SWT1: variants seen among roughly 807,000 people sequenced by gnomAD.
SWT1 encodes SWT1 RNA endoribonuclease homolog, also known as transcriptional protein SWT1.
Under a neutral mutation model 107.3 loss-of-function variants are expected in SWT1, and 33 were observed. The observed-to-expected ratio is 0.31, with a 90% CI of 0.23 to 0.41. The LOEUF is 0.41. Among genes scored for constraint, SWT1 ranks in the 10% least tolerant of loss-of-function variants. The pLI, the probability that SWT1 is intolerant of heterozygous loss-of-function variation, is 1.00. For missense variants in SWT1, 898 were observed against 1,028.9 expected, an observed-to-expected ratio of 0.87 and a Z score of 1.74; for synonymous variants, 345 against 348.3, an observed-to-expected ratio of 0.99 and a Z score of 0.11.
rs529340986 is a variant in SWT1, at chr1:185,206,052, G to A, written c.1834-573G>A. 4.6e-5 allele frequency among the ~76,000 whole-genome samples: 7 copies of A among 151,932 alleles called. No homozygotes were observed. In the East Asian group the frequency reaches 5.8e-4, roughly 13 times the overall value. The stretch of plus-strand genomic sequence containing the variant: ...CGGCTCACTGCAACCTCCTCCTTCC[G>A]GTTTCAAGCTATTCTCCTGTCTCAA... On this transcript the variant is annotated intron_variant, in intron 12 of 18. Coordinates refer to ENST00000367500, the MANE Select transcript of SWT1 (RefSeq NM_017673.7).
chr1:185,199,339 A>C (rs1657675016), intron 10 of SWT1, among the ~76,000 whole-genome samples: 1 of 152,174 alleles, frequency 6.6e-6, no homozygotes, highest in South Asian at 2.1e-4. Context: ...GTTTCTTCAT[A>C]GTGTCGATGG....
At chr1:185,192,804 C>T (rs1437423575) in intron 10 of SWT1, among the ~76,000 whole-genome samples, 6 of 151,838 alleles carry the variant, frequency 4.0e-5, no homozygotes, top group Non-Finnish European at 5.9e-5. Context: ...AGTGCCACCA[C>T]GCCTGACTAA....
intron 3 of SWT1, among the ~76,000 whole-genome samples, chr1:185,167,681 G>A (rs1455437989): frequency 6.6e-6 from 1 of 151,598 alleles, no homozygotes; most frequent in East Asian, 1.9e-4. Flanking sequence ...TTTTTTTGTT[G>A]TTTTCCCTTC....
At chr1:185,242,562 C>T in intron 16 of SWT1, among the ~76,000 whole-genome samples, 1 of 152,104 alleles carries the variant, frequency 6.6e-6, no homozygotes, top group East Asian at 1.9e-4. Flanking sequence ...CTAGAGTGGA[C>T]TTAGGTGTTA....
chr1:185,189,141 C>T (rs1042034676), intron 9 of SWT1, among the ~76,000 whole-genome samples: 3 of 151,780 alleles, frequency 2.0e-5, no homozygotes, highest in Non-Finnish European at 4.4e-5. Context: ...AGTGTGCCAC[C>T]GAGCCTGGAT....
chr1:185,197,053 A>G (rs746644847), intron 10 of SWT1, among the ~76,000 whole-genome samples: 2 of 152,158 alleles, frequency 1.3e-5, no homozygotes, highest in African/African-American at 2.4e-5. Flanking sequence ...CAAAGCTTCC[A>G]GCTTTTGCCC....
Position 185,182,064 on chromosome 1 carries a change from C to T in SWT1, c.1138+7C>T, listed in dbSNP as rs774722085. On this transcript the variant is annotated splice_region_variant and intron_variant, in intron 7 of 18. Coordinates refer to ENST00000367500, the MANE Select transcript of SWT1 (RefSeq NM_017673.7). ...GATGTACATTCCTCCTCTGGTATACCCTATATGTTGATGTGTATGCTCCCC... is the reference window on the plus strand; with the variant it reads ...GATGTACATTCCTCCTCTGGTATACTCTATATGTTGATGTGTATGCTCCCC... 8.1e-6 allele frequency: 13 copies of T among 1,613,032 alleles called. No homozygotes were observed. The African/African-American group carries it at 1.7e-4, about 22-fold the overall frequency.
intron 15 of SWT1, among the ~76,000 whole-genome samples, chr1:185,228,861 T>G (rs1345577732): frequency 6.6e-6 from 1 of 152,136 alleles, no homozygotes; most frequent in Non-Finnish European, 1.5e-5. Flanking sequence ...GCGTTTCAGA[T>G]AGAAGAATAG....
rs369660193 is a variant in SWT1, at chr1:185,231,706, A to G, written c.2439A>G (p.Gln813=). The G allele has an allele frequency of 3.1e-6, 5 of 1,601,806 alleles. No individual in the cohort carries two copies. The highest frequency in any genetic ancestry group is 4.3e-6 in the Non-Finnish European group (5 of 1,170,934). Residue 813 remains glutamine (Q), a splice_region_variant and synonymous_variant, in exon 16 of 19, where the codon CAA becomes CAG. Transcript: ENST00000367500. The stretch of plus-strand genomic sequence containing the variant: ...TGAGGGATATTCTTGAAGGAATTCA[A>G]AGGTAAACACTATATTAATTTTAAA... ...AAVRDILEGI[Q]RILAPNSNYQ...
intron 16 of SWT1, among the ~76,000 whole-genome samples, chr1:185,257,747 G>A (rs773387492): frequency 2.8e-4 from 42 of 152,208 alleles, no homozygotes; most frequent in Non-Finnish European, 5.0e-4. Context: ...CTTCTGCGTC[G>A]CTCACGCTGG....
chr1:185,205,868 T>C (rs1309641654), intron 12 of SWT1, among the ~76,000 whole-genome samples: 2 of 152,200 alleles, frequency 1.3e-5, no homozygotes, highest in African/African-American at 2.4e-5. Flanking sequence ...ATGTGAGTGA[T>C]TCAGAAAAGG....
intron 16 of SWT1, among the ~76,000 whole-genome samples, chr1:185,248,084 C>T (rs1378223500): frequency 6.6e-6 from 1 of 152,136 alleles, no homozygotes; most frequent in African/African-American, 2.4e-5. Context: ...TTCAAAAAGT[C>T]AACAGTTCCT....
intron 16 of SWT1, among the ~76,000 whole-genome samples, chr1:185,231,940 C>T (rs902946736): frequency 1.3e-5 from 2 of 152,068 alleles, no homozygotes; most frequent in African/African-American, 4.8e-5. Context: ...AGGTTGATAA[C>T]ACAAAAATAC....
chr1:185,168,361 C>T lies in SWT1; in HGVS notation c.187C>T (p.Leu63=). 2 of 1,368,496 alleles carry T rather than the reference C, an allele frequency of 1.5e-6. No homozygotes were observed. Among genetic ancestry groups the T allele is most frequent in the Non-Finnish European group, 2.0e-6 (2 of 1,022,628 alleles). The allele number at this position is 1,368,496 out of a possible 1,614,324, so 84.8% of individuals were successfully genotyped here. ...TCAGAAATCAGATCATACAGATGTT[C>T]TGTACTATAATATAAAAAGAAGACA... ...RKLKSDHTDV[L]YYNIKRRQGL... Residue 63 remains leucine, a synonymous_variant, in exon 4 of 19, where the codon CTG becomes TTG. Transcript: ENST00000367500.
At chr1:185,181,823 T>C (rs1207632534) in intron 6 of SWT1, 123 bp from the exon 7 acceptor site, 4 of 956,338 alleles carry the variant, frequency 4.2e-6, no homozygotes, top group East Asian at 2.6e-5. Context: ...TCCTTCAGAG[T>C]TTTATAAAAT....
At chr1:185,233,178 A>G (rs1660616608) in intron 16 of SWT1, among the ~76,000 whole-genome samples, 1 of 152,116 alleles carries the variant, frequency 6.6e-6, no homozygotes, top group Non-Finnish European at 1.5e-5. Context: ...GGCCCAAGTG[A>G]TTCTCAGCCC....
intron 10 of SWT1, among the ~76,000 whole-genome samples, chr1:185,202,063 A>G (rs574311902): frequency 6.6e-6 from 1 of 152,302 alleles, no homozygotes; most frequent in East Asian, 1.9e-4. Context: ...TTTAATAAAC[A>G]CAGATACGAT....
intron 18 of SWT1, among the ~76,000 whole-genome samples, chr1:185,278,476 G>T (rs1664397952): frequency 6.6e-6 from 1 of 152,116 alleles, no homozygotes; most frequent in South Asian, 2.1e-4. Flanking sequence ...TTTAATTATG[G>T]CAGCCTGGAC....
At chr1:185,207,990 A>T (rs753620089) in intron 13 of SWT1, among the ~76,000 whole-genome samples, 3 of 152,178 alleles carry the variant, frequency 2.0e-5, no homozygotes, top group Non-Finnish European at 4.4e-5. Context: ...TCCTCACATG[A>T]AGTGATGTGT....
Sources: gnomAD v4.1 joint callset for allele counts (sites outside exome capture counted in the v4.1 genomes callset) on GRCh38, gnomAD v4.1.1 for gene constraint, MANE v1.5 for transcripts, NCBI Gene and HGNC (gene_info 2026-07-23, HGNC 2026-07-21) for gene names.